RANBP2: variants seen among roughly 807,000 people sequenced by gnomAD.
RANBP2 encodes E3 SUMO-protein ligase RanBP2.
Under a neutral mutation model 303.6 loss-of-function variants are expected in RANBP2, and 57 were observed. The ratio of observed to expected loss-of-function variants is 0.19; its 90% confidence interval spans 0.15 to 0.23. The LOEUF is 0.23. Ranked by LOEUF, RANBP2 falls within the 10% of genes least tolerant of loss-of-function variation. The pLI is 1.00. For synonymous variants in RANBP2, 1,167 were observed against 1,301.5 expected (o/e 0.90, Z 2.23); for missense variants, 3,138 against 3,780.8 (o/e 0.83, Z 4.46).
chr2:108,952,237 G>A, the RANBP2 span, among the ~76,000 whole-genome samples: 1 of 152,302 alleles, frequency 6.6e-6, no homozygotes, highest in Non-Finnish European at 1.5e-5. Flanking sequence ...AGGTGCTGGG[G>A]CAGCTTGTTG....
At chr2:108,868,800 A>AG in the RANBP2 span, among the ~76,000 whole-genome samples, 3 of 152,202 alleles carry the variant, frequency 2.0e-5, no homozygotes, top group African/African-American at 7.2e-5. Context: ...GAAAACTTGA[A>AG]GAAAAAAAAG....
the RANBP2 span, chr2:109,615,818 C>T: frequency 6.8e-6 from 11 of 1,614,182 alleles, no homozygotes; most frequent in Non-Finnish European, 9.3e-6. Context: ...ACCATCACCA[C>T]TCGGCTGAGG....
chr2:109,794,608 C>CGGCGGCCG, the RANBP2 span: 3,206 of 193,442 alleles, frequency 0.017, 474 homozygotes, highest in Admixed American at 0.046. Context: ...GCGGCGGCGG[C>CGGCGGCCG]GGGGGGGGCG....
At chr2:108,737,783 G>C (rs1465601404) in intron 6 of RANBP2, among the ~76,000 whole-genome samples, 2 of 146,708 alleles carry the variant, frequency 1.4e-5, no homozygotes, top group Non-Finnish European at 3.0e-5. Flanking sequence ...GGGCAATCTC[G>C]GCTCACTGCA....
the RANBP2 span, chr2:109,614,473 G>T: frequency 1.6e-6 from 2 of 1,222,120 alleles, no homozygotes; most frequent in South Asian, 3.8e-5. Flanking sequence ...GCTGGCGGGG[G>T]AGCAGCGCGG....
the RANBP2 span, among the ~76,000 whole-genome samples, chr2:109,515,396 TG>T: frequency 6.6e-6 from 1 of 152,258 alleles, no homozygotes; most frequent in East Asian, 1.9e-4. Context: ...GGATGTGGAA[TG>T]TCCTGCCTAT....
At chr2:109,102,351 C>T in the RANBP2 span, among the ~76,000 whole-genome samples, 21 of 151,726 alleles carry the variant, frequency 1.4e-4, no homozygotes, top group South Asian at 8.3e-4. Context: ...CCGCCTGCCT[C>T]GGCCTCCCAA....
At chr2:109,458,170 G>A in the RANBP2 span, among the ~76,000 whole-genome samples, 18 of 152,158 alleles carry the variant, frequency 1.2e-4, no homozygotes, top group Non-Finnish European at 2.2e-4. Context: ...CACCTGATAA[G>A]CTATGTGCTT....
chr2:109,050,409 A>C, the RANBP2 span, among the ~76,000 whole-genome samples: 1 of 147,390 alleles, frequency 6.8e-6, no homozygotes, highest in African/African-American at 2.5e-5. Context: ...GCAAGCCACC[A>C]CACCAGGCGA....
At chr2:109,210,548 C>A in the RANBP2 span, among the ~76,000 whole-genome samples, 2 of 152,156 alleles carry the variant, frequency 1.3e-5, no homozygotes, top group Admixed American at 6.5e-5. Context: ...CTGGGGCTTT[C>A]AAGAGCTCAG....
At chr2:109,264,690 T>G in the RANBP2 span, among the ~76,000 whole-genome samples, 1 of 152,206 alleles carries the variant, frequency 6.6e-6, no homozygotes, top group African/African-American at 2.4e-5. Context: ...GCCCAGTGGA[T>G]GCTAGATGTT....
At chr2:109,416,722 T>C in the RANBP2 span, among the ~76,000 whole-genome samples, 1 of 151,676 alleles carries the variant, frequency 6.6e-6, no homozygotes, top group Non-Finnish European at 1.5e-5. Flanking sequence ...AGAGCAAGAC[T>C]CTGTCTCAAT....
At chr2:108,923,262 A>G in the RANBP2 span, 1 of 1,111,880 alleles carries the variant, frequency 9.0e-7, no homozygotes, top group Non-Finnish European at 1.4e-6. Flanking sequence ...TGTTACTGTG[A>G]TTCACCTTGT....
chr2:109,277,422 A>G, the RANBP2 span, among the ~76,000 whole-genome samples: 2 of 152,174 alleles, frequency 1.3e-5, no homozygotes. Context: ...CTCAATTACT[A>G]CGACTGTATA....
chr2:108,759,075 A>T (rs1469157334), intron 18 of RANBP2, among the ~76,000 whole-genome samples: 3 of 150,942 alleles, frequency 2.0e-5, no homozygotes, highest in Non-Finnish European at 4.4e-5. Context: ...TGGAGATAAT[A>T]CTTGCCTTAC....
the RANBP2 span, chr2:109,490,766 C>T: frequency 1.6e-4 from 239 of 1,536,596 alleles, no homozygotes; most frequent in Middle Eastern, 5.0e-4. Context: ...TGTCCATCCA[C>T]GGCAGGGCAG....
chr2:109,504,500 C>A, the RANBP2 span: 1 of 152,024 alleles, frequency 6.6e-6, no homozygotes, highest in African/African-American at 2.4e-5. Flanking sequence ...AGTTCACACA[C>A]ACAAACACAC....
chr2:109,350,967 A>G, the RANBP2 span, among the ~76,000 whole-genome samples: 2 of 152,246 alleles, frequency 1.3e-5, no homozygotes, highest in Non-Finnish European at 2.9e-5. Flanking sequence ...GATCAAAGCA[A>G]GATTTTTACC....
chr2:108,777,760 C>T (rs544541204), intron 25 of RANBP2, among the ~76,000 whole-genome samples: 11 of 152,064 alleles, frequency 7.2e-5, no homozygotes, highest in South Asian at 4.2e-4. Flanking sequence ...TGATTGTATC[C>T]GGTTTACTAG....
Sources: allele counts gnomAD v4.1 joint callset (sites outside exome capture counted in the v4.1 genomes callset), GRCh38; gene constraint gnomAD v4.1.1; transcripts MANE v1.5; gene names NCBI Gene and HGNC (gene_info 2026-07-23, HGNC 2026-07-21).